MAP3K9: variants seen among roughly 807,000 people sequenced by gnomAD.
MAP3K9 encodes the protein mixed lineage kinase 1 (tyr and ser/thr specificity).
Under a neutral mutation model 95.8 loss-of-function variants are expected in MAP3K9, and 46 were observed. The ratio of observed to expected loss-of-function variants is 0.48; its 90% CI spans 0.38 to 0.61. MAP3K9 has a LOEUF of 0.61. MAP3K9 is among the 20% of genes least tolerant of loss of function. MAP3K9 has a pLI of 0.00. For synonymous variants in MAP3K9, 533 were observed against 593.8 expected, an observed-to-expected ratio of 0.90 and a Z score of 1.49; for missense variants, 1,296 against 1,474.3, an observed-to-expected ratio of 0.88 and a Z score of 1.98.
At position 70,732,871 on chromosome 14, in the gene MAP3K9, G is replaced by A. The variant is rs755389971; in HGVS notation, c.2498C>T (p.Thr833Met). 2.9e-5 allele frequency: 47 copies of A among 1,613,758 alleles called. No homozygotes were observed. The highest frequency in any genetic ancestry group is 3.6e-5 in the Non-Finnish European group (43 of 1,179,828). ...GGAGATGGAGGAGAGGGAGAGCAGC[G>A]TCAGGGAGGCAGAGGGGTCTCCTAG... ...LLLGDPSASL[T>M]LLSLSSISEC... Residue 833 changes from threonine (T) to methionine (M), a missense_variant, in exon 11 of 12, where the codon ACG (threonine) becomes ATG (methionine). Transcript: ENST00000554752.
intron 2 of MAP3K9, among the ~76,000 whole-genome samples, chr14:70,779,957 C>A (rs1043017726): frequency 6.6e-6 from 1 of 152,238 alleles, no homozygotes. Context: ...GATAGATGAG[C>A]TTCCTGGGGC....
chr14:70,808,351 G>C (rs1030520927), intron 1 of MAP3K9, among the ~76,000 whole-genome samples: 5 of 151,742 alleles, frequency 3.3e-5, no homozygotes, highest in Non-Finnish European at 7.4e-5. Flanking sequence ...TAGAAGAGGT[G>C]GTGGCAAGGT....
chr14:70,808,909 A>C lies in MAP3K9; in HGVS notation c.263T>G (p.Val88Gly). Residue 88 changes from valine (V) to glycine (G), a missense_variant, in exon 1 of 12, where the codon GTG (valine) becomes GGG (glycine). Around this residue, in one of 5 missense-constraint regions of MAP3K9, gnomAD observed 338 missense variants for 363.4 expected, o/e 0.93. Transcript: ENST00000554752. ...GGTCCACCAGCCCTCGTCGCCGGAC[A>C]CCTGCGAGTCCTTGGACAGCACCTC... Reference protein sequence around the residue: ...VVEVLSKDSQVSGDEGWWTGQ... With the variant: ...VVEVLSKDSQGSGDEGWWTGQ... The C allele has an allele frequency of 6.3e-7, 1 of 1,593,860 alleles. No homozygotes were observed. The highest frequency in any genetic ancestry group is 8.5e-7 in the Non-Finnish European group (1 of 1,174,276).
At position 70,809,376 on chromosome 14, in the gene MAP3K9, G is replaced by T. The variant is rs2055041531; in HGVS notation, c.-205C>A. On this transcript the variant is annotated 5_prime_UTR_variant, in exon 1 of 12. Transcript: ENST00000554752. ...AGAGCGCCGAGCGCGAGCTCTTCGC[G>T]CAGCCTAGGGGCGCAGCGGGCCGAG... 5.2e-6 allele frequency: 3 copies of T among 573,282 alleles called. No individual in the cohort carries two copies. Among genetic ancestry groups the T allele is most frequent in the South Asian group, 9.1e-5 (1 of 11,026 alleles). 35.5% of individuals were successfully genotyped at this position (573,282 alleles called of 1,614,324 possible).
chr14:70,786,069 A>C (rs11622833), intron 2 of MAP3K9, among the ~76,000 whole-genome samples: 64,416 of 151,774 alleles, frequency 0.42, 13,947 homozygotes, highest in South Asian at 0.58. Context: ...AGATAATATC[A>C]GGTTACACTA....
intron 2 of MAP3K9, among the ~76,000 whole-genome samples, chr14:70,791,526 A>G (rs1352370596): frequency 6.6e-6 from 1 of 152,238 alleles, no homozygotes; most frequent in Non-Finnish European, 1.5e-5. Context: ...CACCAACCAC[A>G]GGAAAGGATG....
At chr14:70,778,130 T>C (rs943870323) in intron 2 of MAP3K9, among the ~76,000 whole-genome samples, 1 of 152,114 alleles carries the variant, frequency 6.6e-6, no homozygotes, top group Non-Finnish European at 1.5e-5. Context: ...TGAGACAAGG[T>C]ATCACTCTGT....
At chr14:70,759,901 C>A (rs2054347848) in intron 3 of MAP3K9, among the ~76,000 whole-genome samples, 1 of 152,066 alleles carries the variant, frequency 6.6e-6, no homozygotes, top group Non-Finnish European at 1.5e-5. Flanking sequence ...ACTACAGGTG[C>A]ATGCCACCAC....
At chr14:70,806,197 C>G (rs1045213244) in intron 1 of MAP3K9, among the ~76,000 whole-genome samples, 1 of 152,198 alleles carries the variant, frequency 6.6e-6, no homozygotes, top group Non-Finnish European at 1.5e-5. Flanking sequence ...ACAAACTGAT[C>G]TGGTAGAGCA....
At chr14:70,745,487 C>T (rs1353807126) in intron 5 of MAP3K9, among the ~76,000 whole-genome samples, 1 of 152,148 alleles carries the variant, frequency 6.6e-6, no homozygotes, top group Non-Finnish European at 1.5e-5. Context: ...CCTGTAATCC[C>T]AGCACTTTGG....
intron 2 of MAP3K9, among the ~76,000 whole-genome samples, chr14:70,761,430 T>C (rs2054373610): frequency 6.6e-6 from 1 of 152,156 alleles, no homozygotes; most frequent in Non-Finnish European, 1.5e-5. Context: ...GCCATCTCAG[T>C]TTTACTGATG....
At chr14:70,795,219 A>G (rs1031840428) in intron 2 of MAP3K9, among the ~76,000 whole-genome samples, 5 of 151,306 alleles carry the variant, frequency 3.3e-5, no homozygotes, top group African/African-American at 9.7e-5. Context: ...GCTGGTCTCG[A>G]ACTCCTGACC....
intron 3 of MAP3K9, among the ~76,000 whole-genome samples, chr14:70,753,831 G>A (rs185367091): frequency 2.0e-5 from 3 of 152,296 alleles, no homozygotes; most frequent in Admixed American, 1.3e-4. Flanking sequence ...AGGTGGAGGA[G>A]GGGTGTTTGA....
At chr14:70,789,164 G>C (rs751564023) in intron 2 of MAP3K9, among the ~76,000 whole-genome samples, 3 of 152,196 alleles carry the variant, frequency 2.0e-5, no homozygotes, top group Non-Finnish European at 4.4e-5. Flanking sequence ...AGTTAAGGCT[G>C]AGTCCAGAGG....
chr14:70,754,083 T>C (rs2054266150), intron 3 of MAP3K9, among the ~76,000 whole-genome samples: 1 of 152,246 alleles, frequency 6.6e-6, no homozygotes, highest in Admixed American at 6.5e-5. Context: ...ACTGACTGTT[T>C]AATAATCTTT....
intron 8 of MAP3K9, among the ~76,000 whole-genome samples, chr14:70,737,695 G>C (rs1407800543): frequency 6.6e-6 from 1 of 152,196 alleles, no homozygotes; most frequent in African/African-American, 2.4e-5. Context: ...TGAGCCTCTA[G>C]GCAAGAGAGT....
At chr14:70,791,138 A>C (rs1298834726) in intron 2 of MAP3K9, among the ~76,000 whole-genome samples, 1 of 152,194 alleles carries the variant, frequency 6.6e-6, no homozygotes, top group African/African-American at 2.4e-5. Context: ...ATAGTGGCTC[A>C]AATCAGAGGA....
At chr14:70,786,013 G>A (rs567119192) in intron 2 of MAP3K9, among the ~76,000 whole-genome samples, 28 of 152,128 alleles carry the variant, frequency 1.8e-4, no homozygotes, top group African/African-American at 6.3e-4. Context: ...AGGAAATGAG[G>A]GCCATGTATT....
At chr14:70,778,622 C>T (rs975359252) in intron 2 of MAP3K9, among the ~76,000 whole-genome samples, 2 of 152,176 alleles carry the variant, frequency 1.3e-5, no homozygotes, top group African/African-American at 4.8e-5. Flanking sequence ...ATAACACTGT[C>T]ATCATCATTG....
Sources: allele counts gnomAD v4.1 joint callset (sites outside exome capture counted in the v4.1 genomes callset), GRCh38; gene constraint gnomAD v4.1.1; regional missense constraint gnomAD v4.1.1; transcripts MANE v1.5; gene names NCBI Gene and HGNC (gene_info 2026-07-23, HGNC 2026-07-21).